Variants in ATP11B observed in about 807,000 individuals in gnomAD.
ATP11B encodes the protein phospholipid-transporting ATPase IF.
ATP11B carries 81 observed loss-of-function variants against 157.8 expected under a neutral mutation model. The observed-to-expected ratio is 0.51, with a 90% CI of 0.43 to 0.62. The LOEUF is 0.62. Among genes scored for constraint, ATP11B ranks in the 20% least tolerant of loss-of-function variants. The pLI, the probability that ATP11B is intolerant of heterozygous loss-of-function variation, is 0.00. For synonymous variants in ATP11B, 451 were observed against 469.4 expected (o/e 0.96, Z 0.51); for missense variants, 1,165 against 1,402.2 (o/e 0.83, Z 2.70).
chr3:182,892,250 T>G (rs1203442512), intron 25 of ATP11B, among the ~76,000 whole-genome samples: 1 of 152,168 alleles, frequency 6.6e-6, no homozygotes, highest in Non-Finnish European at 1.5e-5. Context: ...CACAGACGCC[T>G]TTCCTGTTGG....
rs528966660 is a variant in ATP11B at position 182,881,065 on chromosome 3, A to G, written c.2509+84A>G. 2.4e-5 allele frequency: 24 copies of G among 1,006,242 alleles called. No individual in the cohort carries two copies. In the African/African-American group the frequency reaches 3.8e-4, roughly 16 times the overall value. 62.3% of individuals were successfully genotyped at this position (1,006,242 alleles called of 1,614,324 possible). ...GTGGTTTTTAATTTTCTTTTTGTAGATTAAAGTACAGTATCAAATTTGTGA... is the reference window on the plus strand; with the variant it reads ...GTGGTTTTTAATTTTCTTTTTGTAGGTTAAAGTACAGTATCAAATTTGTGA... On this transcript the variant is annotated intron_variant, in intron 21 of 29. Coordinates refer to ENST00000323116, the MANE Select transcript of ATP11B (RefSeq NM_014616.3).
In ATP11B at chr3:182,859,266, A is replaced by T. The variant is rs767910234; in HGVS notation, c.1107A>T (p.Ser369=). ...TCGAAATGCAGAAATTTCTTGGATCATTTTTTATTGGCTGGGATCTTGATC... is the reference window on the plus strand; with the variant it reads ...TCGAAATGCAGAAATTTCTTGGATCTTTTTTTATTGGCTGGGATCTTGATC... ...VTVEMQKFLG[S]FFIGWDLDLY... is the part of the protein sequence containing the mutation. Residue 369 remains serine, a synonymous_variant, in exon 12 of 30, where the codon TCA becomes TCT. Transcript: ENST00000323116. 6.2e-7 allele frequency: 1 copy of T among 1,612,288 alleles called. No individual in the cohort carries two copies. Among genetic ancestry groups the T allele is most frequent in the South Asian group, 1.1e-5 (1 of 90,818 alleles).
intron 7 of ATP11B, among the ~76,000 whole-genome samples, chr3:182,839,859 C>G (rs1306555812): frequency 6.6e-6 from 1 of 152,146 alleles, no homozygotes; most frequent in Non-Finnish European, 1.5e-5. Flanking sequence ...GTGATCCGCC[C>G]ACTTCAGCCT....
At position 182,866,851 on chromosome 3, in the gene ATP11B, AAAAATT is replaced by A. The variant is rs1245614881; in HGVS notation, c.1619+410_1619+415del. ...TTATAAAAATATGTAAGTAATAAAT[AAAAATT>A]ATTATATATAACATATATAAATAAA... On this transcript the variant is annotated intron_variant, in intron 14 of 29. Transcript: ENST00000323116. Among the ~76,000 whole-genome samples, 23 of 99,136 alleles carry A rather than the reference AAAAATT, an allele frequency of 2.3e-4. No homozygotes were observed. The South Asian group carries it at 3.8e-3, about 16-fold the overall frequency. The allele number at this position is 99,136 out of a possible 152,430, so 65.0% of individuals were successfully genotyped here.
Position 182,873,904 on chromosome 3 carries a change from T to C in ATP11B, c.2141T>C (p.Val714Ala), listed in dbSNP as rs1478386052. Residue 714 changes from valine to alanine, a missense_variant, in exon 19 of 30, where the codon GTT (valine) becomes GCT (alanine). This residue lies in a region of ATP11B where 737 missense variants were observed against 930.5 expected (regional missense o/e 0.79). Transcript: ENST00000323116. ...VLTGDKHETAVSVSLSCGHFH... is the reference protein window; with the variant it reads ...VLTGDKHETAASVSLSCGHFH... Reference sequence around the variant, plus strand: ...ACTGGGGATAAACATGAAACAGCTGTTAGTGTGAGTTTATCATGTGGCCAT... The same window carrying C: ...ACTGGGGATAAACATGAAACAGCTGCTAGTGTGAGTTTATCATGTGGCCAT... The C allele has an allele frequency of 6.2e-7, 1 of 1,613,924 alleles. No homozygotes were observed. The highest frequency in any genetic ancestry group is 8.5e-7 in the Non-Finnish European group (1 of 1,179,924).
chr3:182,913,907 G>T lies in ATP11B; in HGVS notation c.3365G>T (p.Cys1122Phe). 6.2e-7 allele frequency: 1 copy of T among 1,614,138 alleles called. No individual in the cohort carries two copies. Among genetic ancestry groups the T allele is most frequent in the Middle Eastern group, 1.7e-4 (1 of 6,060 alleles). The change falls in exon 29 of 30, where the codon TGT becomes TTT. Residue 1122 changes from cysteine (C) to phenylalanine (F), a missense_variant. By Grantham distance (205) the Cys-to-Phe change is radical. This residue lies in a region of ATP11B where 303 missense variants were observed against 296.3 expected (regional missense o/e 1.02). Coordinates refer to ENST00000323116, the MANE Select transcript of ATP11B (RefSeq NM_014616.3). ...AGIKCLDSMC[C>F]FPEGEAACAS... ...ATCAAGTGCTTGGACTCCATGTGCT[G>T]TTTCCCGGAAGGAGAAGCAGCGTGT...
intron 7 of ATP11B, among the ~76,000 whole-genome samples, chr3:182,840,665 C>G (rs932133768): frequency 8.5e-5 from 13 of 152,134 alleles, no homozygotes; most frequent in Non-Finnish European, 1.6e-4. Context: ...TGGAATCAGC[C>G]GTGACTCCTC....
At chr3:182,814,633 C>T (rs1336553687) in intron 1 of ATP11B, among the ~76,000 whole-genome samples, 1 of 151,946 alleles carries the variant, frequency 6.6e-6, no homozygotes, top group Non-Finnish European at 1.5e-5. Context: ...CACAGTGAGA[C>T]CCCATATCTA....
intron 1 of ATP11B, among the ~76,000 whole-genome samples, chr3:182,816,549 G>A (rs554716699): frequency 1.3e-5 from 2 of 152,248 alleles, no homozygotes; most frequent in African/African-American, 2.4e-5. Context: ...CATACTAAAC[G>A]TGTAGTTACA....
chr3:182,902,456 C>T (rs1291547316), intron 28 of ATP11B: 2 of 1,268,014 alleles, frequency 1.6e-6, no homozygotes, highest in East Asian at 5.6e-5. Flanking sequence ...TGTTGTGTGT[C>T]CATCCCTTTT....
intron 12 of ATP11B, among the ~76,000 whole-genome samples, chr3:182,860,515 G>GTA (rs1256870275): frequency 6.6e-6 from 1 of 152,066 alleles, no homozygotes; most frequent in Non-Finnish European, 1.5e-5. Context: ...AATTAACTCT[G>GTA]TGAGTCTTTT....
At chr3:182,843,790 G>C (rs1404788323) in intron 8 of ATP11B, 2 of 152,124 alleles carry the variant, frequency 1.3e-5, no homozygotes, top group Admixed American at 6.5e-5. Flanking sequence ...CATGAAATAA[G>C]TCACTATAAC....
chr3:182,841,128 A>G (rs192444433), intron 7 of ATP11B, among the ~76,000 whole-genome samples: 2 of 152,274 alleles, frequency 1.3e-5, no homozygotes, highest in Non-Finnish European at 2.9e-5. Flanking sequence ...GCCCTTGTCT[A>G]ACTCTTGAGT....
intron 1 of ATP11B, among the ~76,000 whole-genome samples, chr3:182,819,736 GTC>G (rs1451559299): frequency 2.6e-5 from 4 of 152,212 alleles, no homozygotes; most frequent in Non-Finnish European, 5.9e-5. Flanking sequence ...AACCAAGTCA[GTC>G]TGGGGATGGA....
intron 25 of ATP11B, among the ~76,000 whole-genome samples, chr3:182,893,972 G>A (rs1318907398): frequency 6.6e-6 from 1 of 152,116 alleles, no homozygotes; most frequent in Non-Finnish European, 1.5e-5. Context: ...TTGGTCATTT[G>A]TATATCTTCT....
chr3:182,866,773 A>G (rs1040723189), intron 14 of ATP11B, among the ~76,000 whole-genome samples: 3 of 148,710 alleles, frequency 2.0e-5, no homozygotes, highest in African/African-American at 7.3e-5. Flanking sequence ...CCTTAAAAGT[A>G]TATATATATG....
chr3:182,886,351 C>T (rs1317004321), intron 23 of ATP11B, among the ~76,000 whole-genome samples: 1 of 152,056 alleles, frequency 6.6e-6, no homozygotes, highest in Non-Finnish European at 1.5e-5. Context: ...GGAGGTTCAC[C>T]TCATTTTTAT....
intron 22 of ATP11B, among the ~76,000 whole-genome samples, chr3:182,885,223 G>C (rs1055812589): frequency 4.6e-5 from 7 of 152,126 alleles, no homozygotes; most frequent in Non-Finnish European, 8.8e-5. Context: ...TAGTAGTCTA[G>C]TGAAATGTGT....
chr3:182,906,783 A>C (rs1308917497), intron 28 of ATP11B, among the ~76,000 whole-genome samples: 1 of 151,400 alleles, frequency 6.6e-6, no homozygotes, highest in Non-Finnish European at 1.5e-5. Flanking sequence ...GTTTTAAAAA[A>C]AAAAAAAAGA....
Sources: allele counts gnomAD v4.1 joint callset (sites outside exome capture counted in the v4.1 genomes callset), GRCh38; gene constraint gnomAD v4.1.1; regional missense constraint gnomAD v4.1.1; transcripts MANE v1.5; gene names NCBI Gene and HGNC (gene_info 2026-07-23, HGNC 2026-07-21).